DENND2A: variants seen among roughly 807,000 people sequenced by gnomAD.
DENND2A encodes the protein DENN domain containing 2A, also known as DENN domain-containing protein 2A.
Under a neutral mutation model 105.3 loss-of-function variants are expected in DENND2A, and 53 were observed. That is an observed-to-expected ratio of 0.50 (90% CI 0.40 to 0.63). The LOEUF (loss-of-function observed/expected upper bound fraction) is 0.63. DENND2A is among the 30% of genes least tolerant of loss of function. The pLI, the probability that DENND2A is intolerant of heterozygous loss-of-function variation, is 0.00. For synonymous variants in DENND2A, 522 were observed against 508.4 expected (o/e 1.03, Z -0.36); for missense variants, 1,138 against 1,279.6 (o/e 0.89, Z 1.69).
upstream of DENND2A, among the ~76,000 whole-genome samples, chr7:140,641,063 G>T (rs920032333): frequency 6.6e-6 from 1 of 152,114 alleles, no homozygotes; most frequent in Non-Finnish European, 1.5e-5. Flanking sequence ...GGGCGGATTC[G>T]CGAGGTGCTT....
At chr7:140,603,974 T>C (rs938883681) in intron 2 of DENND2A, among the ~76,000 whole-genome samples, 2 of 152,248 alleles carry the variant, frequency 1.3e-5, no homozygotes, top group East Asian at 3.8e-4. Context: ...TATTAGAAAT[T>C]ATTTTGAAGG....
rs1259486478 is a variant in DENND2A, at chr7:140,527,211, C to G, written c.2505+107G>C. On this transcript the variant is annotated intron_variant, in intron 15 of 19. Transcript: ENST00000496613. This position sits in a 1 kb window ranked among gnomAD's most constrained non-coding sequence, Gnocchi z 4.9. ...CCCTGGTGCCCCCACGCCCTGCTCC[C>G]CAACACTGCTGGCTCTGAGAACCGC... The G allele has an allele frequency of 3.9e-6, 5 of 1,291,274 alleles. No individual in the cohort carries two copies. Among genetic ancestry groups the G allele is most frequent in the Non-Finnish European group, 5.2e-6 (5 of 961,660 alleles). 80.0% of individuals were successfully genotyped at this position (1,291,274 alleles called of 1,614,324 possible). A position where few individuals can be genotyped will look rare whatever the true frequency, so the allele number is the denominator to read the frequency against.
At chr7:140,581,799 C>G (rs1328144504) in intron 5 of DENND2A, among the ~76,000 whole-genome samples, 2 of 152,154 alleles carry the variant, frequency 1.3e-5, no homozygotes, top group East Asian at 3.9e-4. Flanking sequence ...TACAGCTGGA[C>G]GTTAAGTTCT....
chr7:140,519,626 C>A lies in DENND2A; in HGVS notation c.2998+6G>T, dbSNP rs751868425. The stretch of plus-strand genomic sequence containing the variant: ...CAGGCTGGGCACCCAGAGCCCGGGG[C>A]CTTACCTAGTCCCTTCAGGAACTTA... On this transcript the variant is annotated splice_donor_region_variant and intron_variant, in intron 19 of 19. Coordinates refer to ENST00000496613, the MANE Select transcript of DENND2A (RefSeq NM_015689.5). 9.3e-6 allele frequency: 15 copies of A among 1,613,712 alleles called. No homozygotes were observed. Among genetic ancestry groups the A allele is most frequent in the Non-Finnish European group, 1.2e-5 (14 of 1,179,758 alleles).
At chr7:140,573,542 G>A (rs536749753) in intron 6 of DENND2A, among the ~76,000 whole-genome samples, 6 of 152,140 alleles carry the variant, frequency 3.9e-5, no homozygotes, top group Admixed American at 6.5e-5. Context: ...GCTTTTTGAG[G>A]ATAGGCATTA....
At chr7:140,531,508 C>G (rs768105625) in intron 14 of DENND2A, among the ~76,000 whole-genome samples, 3 of 152,088 alleles carry the variant, frequency 2.0e-5, no homozygotes, top group Non-Finnish European at 2.9e-5. Flanking sequence ...AAATAACTAT[C>G]TGTGTGTGAG....
intron 3 of DENND2A, among the ~76,000 whole-genome samples, chr7:140,591,892 T>TTCTG (rs367947897): frequency 0.025 from 2,988 of 119,862 alleles, 105 homozygotes; most frequent in African/African-American, 0.072. Flanking sequence ...CTTTCTTTCT[T>TTCTG]TCTTTTTCTT....
chr7:140,540,049 C>G (rs187178249), intron 14 of DENND2A, among the ~76,000 whole-genome samples: 1 of 152,200 alleles, frequency 6.6e-6, no homozygotes, highest in African/African-American at 2.4e-5. Flanking sequence ...GCTCAGGGGT[C>G]CCCCCTACTC....
chr7:140,595,420 G>A (rs1317209215), intron 3 of DENND2A, among the ~76,000 whole-genome samples: 1 of 151,874 alleles, frequency 6.6e-6, no homozygotes, highest in Non-Finnish European at 1.5e-5. Context: ...TTAATTTTTA[G>A]TAAATTGTTT....
At chr7:140,585,792 C>T (rs1798758278) in intron 4 of DENND2A, 82 bp from the exon 5 acceptor site, 1 of 1,592,396 alleles carries the variant, frequency 6.3e-7, no homozygotes, top group Non-Finnish European at 8.6e-7. Flanking sequence ...AGTATCTTGG[C>T]CTCTCCTGTG....
At chr7:140,594,467 G>C (rs929520928) in intron 3 of DENND2A, among the ~76,000 whole-genome samples, 21 of 152,138 alleles carry the variant, frequency 1.4e-4, no homozygotes, top group African/African-American at 5.1e-4. Context: ...CCGCTGGCCC[G>C]AGCGTCACTT....
chr7:140,613,396 C>T (rs113238509), intron 1 of DENND2A, among the ~76,000 whole-genome samples: 7,190 of 151,538 alleles, frequency 0.047, 530 homozygotes, highest in African/African-American at 0.16. Context: ...AAAAATTAGC[C>T]GAGCGTGGTG....
At chr7:140,555,122 C>T (rs1797303755) in intron 12 of DENND2A, among the ~76,000 whole-genome samples, 1 of 143,088 alleles carries the variant, frequency 7.0e-6, no homozygotes, top group Non-Finnish European at 1.5e-5. Context: ...CTGAACCTGG[C>T]TCTTCATTAA....
At chr7:140,630,068 C>G (rs1800679775) in intron 1 of DENND2A, among the ~76,000 whole-genome samples, 1 of 151,694 alleles carries the variant, frequency 6.6e-6, no homozygotes, top group African/African-American at 2.4e-5. Flanking sequence ...ACCATGTTGG[C>G]CAGGCTGGTC....
intron 1 of DENND2A, among the ~76,000 whole-genome samples, chr7:140,614,827 G>A (rs1800026157): frequency 6.6e-6 from 1 of 152,130 alleles, no homozygotes; most frequent in South Asian, 2.1e-4. Context: ...GCTCATTCTG[G>A]AGTCTTGATG....
intron 5 of DENND2A, among the ~76,000 whole-genome samples, chr7:140,581,009 T>C (rs1798519423): frequency 6.7e-6 from 1 of 149,350 alleles, no homozygotes; most frequent in Non-Finnish European, 1.5e-5. Context: ...ATGCCTGTAA[T>C]CCCAGCACTT....
chr7:140,558,212 A>C lies in DENND2A; in HGVS notation c.1890T>G (p.Ser630Arg), dbSNP rs199820192. 1.2e-6 allele frequency: 2 copies of C among 1,612,588 alleles called. No homozygotes were observed. The highest frequency in any genetic ancestry group is 1.7e-6 in the Non-Finnish European group (2 of 1,178,752). The change falls in exon 11 of 20, where the codon AGT (serine) becomes AGG (arginine). Residue 630 changes from serine to arginine, a missense_variant and splice_region_variant. By Grantham distance (110) the Ser-to-Arg change is moderately radical. This residue lies in a region of DENND2A where 627 missense variants were observed against 779.8 expected (regional missense o/e 0.80). Transcript: ENST00000496613. ...KDWVPVQQFTSETFSFVLTGE... is the reference protein window; with the variant it reads ...KDWVPVQQFTRETFSFVLTGE... The stretch of plus-strand genomic sequence containing the variant: ...CAGTTAAGACAAATGAGAATGTTTC[A>C]CTGTGGTTGGGAAAACACAAATGTA...
chr7:140,563,277 C>A (rs1797703317), intron 9 of DENND2A, among the ~76,000 whole-genome samples: 1 of 152,194 alleles, frequency 6.6e-6, no homozygotes. Context: ...TACAGGCACA[C>A]TTGTGCCTAC....
chr7:140,573,690 C>T, intron 6 of DENND2A, 118 bp downstream of exon 6: 2 of 1,192,798 alleles, frequency 1.7e-6, no homozygotes, highest in Non-Finnish European at 2.4e-6. Context: ...CCCTGGCCTG[C>T]AGCAACACAG....
Sources: gnomAD v4.1 joint callset for allele counts (sites outside exome capture counted in the v4.1 genomes callset) on GRCh38, gnomAD v4.1.1 for gene constraint, gnomAD v4.1.1 regional missense constraint, Gnocchi (gnomAD v3.1) non-coding constraint, MANE v1.5 for transcripts, NCBI Gene and HGNC (gene_info 2026-07-23, HGNC 2026-07-21) for gene names.